Variants in IGF1R observed in about 807,000 individuals in gnomAD.
IGF1R encodes the protein insulin like growth factor 1 receptor.
Under a neutral mutation model 144.6 loss-of-function variants are expected in IGF1R, and 44 were observed. The observed-to-expected ratio is 0.30, with a 90% CI of 0.24 to 0.39. The LOEUF (loss-of-function observed/expected upper bound fraction) is 0.39. IGF1R is among the 10% of genes least tolerant of loss of function. IGF1R has a pLI of 1.00. For synonymous variants in IGF1R, 795 were observed against 722.8 expected, an observed-to-expected ratio of 1.10 and a Z score of -1.60; for missense variants, 1,355 against 1,833.7, an observed-to-expected ratio of 0.74 and a Z score of 4.77.
At chr15:98,934,571 C>T (rs1267495484) in intron 15 of IGF1R, among the ~76,000 whole-genome samples, 1 of 152,162 alleles carries the variant, frequency 6.6e-6, no homozygotes, top group Non-Finnish European at 1.5e-5. Context: ...TTGTTCTGGT[C>T]CTTCTATCTG....
intron 1 of IGF1R, among the ~76,000 whole-genome samples, chr15:98,652,303 C>T (rs1304187358): frequency 1.3e-5 from 2 of 152,240 alleles, no homozygotes; most frequent in African/African-American, 2.4e-5. Context: ...TTATTGTACC[C>T]ATCTCCTTAA....
chr15:98,878,884 T>C (rs563181241), intron 2 of IGF1R, among the ~76,000 whole-genome samples: 43 of 151,916 alleles, frequency 2.8e-4, no homozygotes, highest in Non-Finnish European at 5.7e-4. Flanking sequence ...TAATCCCAGC[T>C]ACTCGGGAAG....
chr15:98,707,419 C>G lies in IGF1R; in HGVS notation c.95-143C>G, dbSNP rs1327928771. 3 of 874,858 alleles carry G rather than the reference C, an allele frequency of 3.4e-6. No individual in the cohort carries two copies. The African/African-American group carries it at 5.0e-5, about 15-fold the overall frequency. 54.2% of individuals were successfully genotyped at this position (874,858 alleles called of 1,614,324 possible). A position where few individuals can be genotyped will look rare whatever the true frequency, so the allele number is the denominator to read the frequency against. Reference sequence around the variant, plus strand: ...GCCACCTAAACTGTCAGTCTGCAACCCACAGCTCTGCAGTGAACAATTGAA... The same window carrying G: ...GCCACCTAAACTGTCAGTCTGCAACGCACAGCTCTGCAGTGAACAATTGAA... On this transcript the variant is annotated intron_variant, in intron 1 of 20. Coordinates refer to ENST00000650285, the MANE Select transcript of IGF1R (RefSeq NM_000875.5). The surrounding 1 kb of genome is among the most constrained non-coding windows in gnomAD (Gnocchi z 6.7).
At position 98,707,523 on chromosome 15, in the gene IGF1R, C is replaced by T. The variant is rs749915586; in HGVS notation, c.95-39C>T. The T allele has an allele frequency of 3.5e-5, 56 of 1,591,808 alleles. 1 individual carries two copies. Among genetic ancestry groups the T allele is most frequent in the Non-Finnish European group, 4.3e-6 (5 of 1,161,274 alleles). On this transcript the variant is annotated intron_variant, in intron 1 of 20. Transcript: ENST00000650285. The surrounding 1 kb of genome is among the most constrained non-coding windows in gnomAD (Gnocchi z 6.7). ...TTGGAAAATAGTTTAAAAATTATTT[C>T]CTTCTAACTGAGACGTTTACCCTCT...
At chr15:98,889,040 C>G (rs992201741) in intron 2 of IGF1R, among the ~76,000 whole-genome samples, 1 of 152,186 alleles carries the variant, frequency 6.6e-6, no homozygotes, top group Non-Finnish European at 1.5e-5. Flanking sequence ...CCAGTCACAA[C>G]GTTTGTTTAT....
At chr15:98,748,552 G>A (rs1456994129) in intron 2 of IGF1R, among the ~76,000 whole-genome samples, 4 of 152,192 alleles carry the variant, frequency 2.6e-5, no homozygotes, top group South Asian at 4.1e-4. Flanking sequence ...GTGGAAATGA[G>A]CGTGCAAATC....
chr15:98,750,893 T>A (rs1484312476), intron 2 of IGF1R, among the ~76,000 whole-genome samples: 1 of 152,128 alleles, frequency 6.6e-6, no homozygotes. Flanking sequence ...GCTCAGGTGA[T>A]CCTCTTCACC....
At chr15:98,755,386 C>G (rs1301287693) in intron 2 of IGF1R, among the ~76,000 whole-genome samples, 1 of 151,982 alleles carries the variant, frequency 6.6e-6, no homozygotes, top group Non-Finnish European at 1.5e-5. Context: ...ACTAATGAAA[C>G]AGGATTACAG....
At chr15:98,759,843 A>G (rs2055248679) in intron 2 of IGF1R, among the ~76,000 whole-genome samples, 2 of 152,174 alleles carry the variant, frequency 1.3e-5, no homozygotes, top group Non-Finnish European at 2.9e-5. Flanking sequence ...TTCAGCCACA[A>G]TGTGTCTTGC....
chr15:98,769,878 C>T (rs2055539808), intron 2 of IGF1R, among the ~76,000 whole-genome samples: 1 of 152,120 alleles, frequency 6.6e-6, no homozygotes, highest in Admixed American at 6.6e-5. Context: ...AAAGATTTTT[C>T]CAGGCAAAAT....
chr15:98,765,608 G>C (rs1283692175), intron 2 of IGF1R, among the ~76,000 whole-genome samples: 1 of 152,010 alleles, frequency 6.6e-6, no homozygotes, highest in Non-Finnish European at 1.5e-5. Flanking sequence ...ACAGACATAA[G>C]CCACCTTGCC....
intron 1 of IGF1R, among the ~76,000 whole-genome samples, chr15:98,676,824 T>G (rs777994233): frequency 6.6e-6 from 1 of 152,218 alleles, no homozygotes. Context: ...GGTTGTATAC[T>G]TTTCCTTTTG....
chr15:98,743,215 C>T (rs1047878105), intron 2 of IGF1R, among the ~76,000 whole-genome samples: 2 of 151,994 alleles, frequency 1.3e-5, no homozygotes, highest in African/African-American at 2.4e-5. Context: ...TTTTAAAAAA[C>T]AATTTGTTGT....
At chr15:98,923,493 C>T (rs532455358) in intron 11 of IGF1R, among the ~76,000 whole-genome samples, 1 of 152,364 alleles carries the variant, frequency 6.6e-6, no homozygotes, top group African/African-American at 2.4e-5. Flanking sequence ...GATGGCTTCA[C>T]AAAGCTTTCT....
chr15:98,692,107 G>A (rs1028100705), intron 1 of IGF1R, among the ~76,000 whole-genome samples: 1 of 152,190 alleles, frequency 6.6e-6, no homozygotes, highest in East Asian at 1.9e-4. Context: ...AGTCCGAGGC[G>A]GGCAGATCAC....
At chr15:98,829,266 C>A (rs1349142846) in intron 2 of IGF1R, among the ~76,000 whole-genome samples, 1 of 151,970 alleles carries the variant, frequency 6.6e-6, no homozygotes, top group Non-Finnish European at 1.5e-5. Context: ...TCACACCTTT[C>A]GTGTTACACA....
chr15:98,780,909 G>A (rs1567126114), intron 2 of IGF1R, among the ~76,000 whole-genome samples: 1 of 152,164 alleles, frequency 6.6e-6, no homozygotes, highest in Non-Finnish European at 1.5e-5. Flanking sequence ...ATGTAGAAAA[G>A]AAGATTTACC....
intron 2 of IGF1R, among the ~76,000 whole-genome samples, chr15:98,784,020 G>A (rs1405756266): frequency 7.8e-6 from 1 of 128,942 alleles, no homozygotes; most frequent in Non-Finnish European, 1.5e-5. Flanking sequence ...TGTTGCCCAG[G>A]CTAGAGTGCA....
intron 1 of IGF1R, among the ~76,000 whole-genome samples, chr15:98,689,170 G>A (rs2053410472): frequency 6.6e-6 from 1 of 150,856 alleles, no homozygotes; most frequent in South Asian, 2.1e-4. Flanking sequence ...ATTTTTTTTG[G>A]TTGCTTGGTT....
Sources: allele counts gnomAD v4.1 joint callset (sites outside exome capture counted in the v4.1 genomes callset), GRCh38; gene constraint gnomAD v4.1.1; non-coding constraint Gnocchi (gnomAD v3.1); transcripts MANE v1.5; gene names NCBI Gene and HGNC (gene_info 2026-07-23, HGNC 2026-07-21).